ARHGAP24: variants seen among roughly 807,000 people sequenced by gnomAD.
ARHGAP24 encodes rho GTPase-activating protein 24.
In ARHGAP24, 50 loss-of-function variants were observed where a neutral mutation model predicts 76.4. That is an observed-to-expected ratio of 0.65 (90% confidence interval 0.52 to 0.83). The LOEUF is 0.83. Among genes scored for constraint, ARHGAP24 ranks in the 40% least tolerant of loss-of-function variants. The pLI is 0.00. For synonymous variants in ARHGAP24, 345 were observed against 323.3 expected (o/e 1.07, Z -0.72); for missense variants, 930 against 914.2 (o/e 1.02, Z -0.22).
chr4:85,809,874 A>G (rs1728939044), intron 3 of ARHGAP24, among the ~76,000 whole-genome samples: 1 of 152,202 alleles, frequency 6.6e-6, no homozygotes. Context: ...GGAAATATAA[A>G]CTGGGGTCTT....
At chr4:85,589,930 C>A (rs7695028) in intron 2 of ARHGAP24, among the ~76,000 whole-genome samples, 40,326 of 152,102 alleles carry the variant, frequency 0.27, 7,472 homozygotes, top group East Asian at 0.84. Context: ...CTGCACATTG[C>A]AAATTTTCAT....
At chr4:85,563,334 G>A (rs1203558615) in intron 1 of ARHGAP24, among the ~76,000 whole-genome samples, 2 of 152,176 alleles carry the variant, frequency 1.3e-5, no homozygotes, top group Non-Finnish European at 2.9e-5. Context: ...AGTTCTGGAG[G>A]CAGGGAAGTC....
At chr4:85,624,074 T>G (rs1197946625) in intron 2 of ARHGAP24, among the ~76,000 whole-genome samples, 2 of 152,204 alleles carry the variant, frequency 1.3e-5, no homozygotes, top group Admixed American at 6.5e-5. Context: ...TGAATACCCT[T>G]TATTTCCTTC....
At chr4:85,712,268 T>C (rs548527588) in intron 2 of ARHGAP24, among the ~76,000 whole-genome samples, 1 of 152,266 alleles carries the variant, frequency 6.6e-6, no homozygotes, top group South Asian at 2.1e-4. Flanking sequence ...TTTTCTCTGG[T>C]TACCACCTCT....
At chr4:85,732,046 T>G (rs1725430728) in intron 3 of ARHGAP24, among the ~76,000 whole-genome samples, 1 of 152,244 alleles carries the variant, frequency 6.6e-6, no homozygotes, top group African/African-American at 2.4e-5. Context: ...ATGGTTTTAA[T>G]TATGCATTCT....
At chr4:85,683,119 G>GC (rs1553922584) in intron 2 of ARHGAP24, among the ~76,000 whole-genome samples, 87 of 80,096 alleles carry the variant, frequency 1.1e-3, no homozygotes, top group African/African-American at 4.3e-3. Context: ...TGGGGGGGTG[G>GC]GGGGGGGGTG....
chr4:85,898,728 T>A (rs542847342), intron 3 of ARHGAP24, among the ~76,000 whole-genome samples: 8 of 152,328 alleles, frequency 5.3e-5, no homozygotes, highest in Admixed American at 1.3e-4. Flanking sequence ...ATTACTGGGA[T>A]TTAATATGTG....
intron 3 of ARHGAP24, among the ~76,000 whole-genome samples, chr4:85,832,089 C>T (rs1413430728): frequency 1.3e-5 from 2 of 152,088 alleles, no homozygotes; most frequent in Non-Finnish European, 2.9e-5. Flanking sequence ...ATGCAGGGGC[C>T]ATACAGGGAA....
At chr4:85,630,990 T>C (rs953975504) in intron 2 of ARHGAP24, among the ~76,000 whole-genome samples, 17 of 152,004 alleles carry the variant, frequency 1.1e-4, no homozygotes, top group Admixed American at 3.3e-4. Flanking sequence ...CACACACGTA[T>C]ATATACACAC....
At chr4:85,958,950 T>A (rs1358506921) in intron 5 of ARHGAP24, among the ~76,000 whole-genome samples, 1 of 152,160 alleles carries the variant, frequency 6.6e-6, no homozygotes, top group Admixed American at 6.5e-5. Flanking sequence ...CTTAACATAA[T>A]GTTTTTGAGG....
intron 2 of ARHGAP24, among the ~76,000 whole-genome samples, chr4:85,624,402 A>T (rs1160075345): frequency 6.6e-6 from 1 of 152,094 alleles, no homozygotes. Flanking sequence ...TGATTTGTGT[A>T]TGTTGAACCA....
chr4:85,569,881 C>G (rs1727010706), intron 1 of ARHGAP24, among the ~76,000 whole-genome samples: 1 of 152,188 alleles, frequency 6.6e-6, no homozygotes, highest in Non-Finnish European at 1.5e-5. Flanking sequence ...CAGGCTAGCT[C>G]TTGCTCAGGT....
intron 3 of ARHGAP24, among the ~76,000 whole-genome samples, chr4:85,762,543 G>A (rs181926529): frequency 1.2e-3 from 186 of 152,286 alleles, no homozygotes; most frequent in African/African-American, 4.3e-3. Flanking sequence ...AGCAATTTGT[G>A]TATTTTAGCT....
chr4:85,921,528 T>C (rs1053337298), intron 3 of ARHGAP24, among the ~76,000 whole-genome samples: 15 of 119,750 alleles, frequency 1.3e-4, no homozygotes, highest in African/African-American at 3.4e-4. Flanking sequence ...ATCCCTGAAC[T>C]TAAAATAAAA....
At chr4:85,570,382 CTTTCTTTCTTTCTTTCTTTCTTTCTTTCT>C (rs1727080724) in intron 1 of ARHGAP24, 111 bp from the exon 2 acceptor site, 1 of 16,418 alleles carries the variant, frequency 6.1e-5, no homozygotes. Context: ...TTCTTTCTTT[CTTTCTTTCTTTCTTTCTTTCTTTCTTTCT>C]TTCTTTCCTC....
At chr4:85,951,591 A>G (rs144335712) in intron 5 of ARHGAP24, among the ~76,000 whole-genome samples, 66 of 152,288 alleles carry the variant, frequency 4.3e-4, no homozygotes, top group African/African-American at 1.5e-3. Context: ...TTTGGGGTCC[A>G]TAGCCTCAAA....
intron 2 of ARHGAP24, among the ~76,000 whole-genome samples, chr4:85,716,370 A>G (rs1041027404): frequency 6.6e-6 from 1 of 152,140 alleles, no homozygotes; most frequent in Non-Finnish European, 1.5e-5. Context: ...TTTGTTTATC[A>G]TATTTCATTT....
In ARHGAP24 at chr4:85,802,193, T is replaced by C. The variant is rs183391524; in HGVS notation, c.268+80221T>C. On this transcript the variant is annotated intron_variant, in intron 3 of 9. Transcript: ENST00000395184. ...CCCAATATGACCACCAGTTGCTATG[T>C]AGCGCTAACCAAACGACTTTACCTC... 4.7e-4 allele frequency among the ~76,000 whole-genome samples: 72 copies of C among 152,308 alleles called. 1 individual carries two copies. Among genetic ancestry groups the C allele is most frequent in the African/African-American group, 1.7e-3 (70 of 41,578 alleles).
intron 2 of ARHGAP24, among the ~76,000 whole-genome samples, chr4:85,645,748 T>A (rs1351884070): frequency 1.3e-5 from 2 of 152,048 alleles, no homozygotes; most frequent in Non-Finnish European, 2.9e-5. Context: ...ATAGTGTGCA[T>A]TTAGAGAACT....
Sources: gnomAD v4.1 joint callset for allele counts (sites outside exome capture counted in the v4.1 genomes callset) on GRCh38, gnomAD v4.1.1 for gene constraint, MANE v1.5 for transcripts, NCBI Gene and HGNC (gene_info 2026-07-23, HGNC 2026-07-21) for gene names.